Variants in ATP2B2 observed in about 807,000 individuals in gnomAD.
The protein encoded by ATP2B2 is plasma membrane calcium-transporting ATPase 2.
Under a neutral mutation model 120.0 loss-of-function variants are expected in ATP2B2, and 15 were observed. That is an observed-to-expected ratio of 0.12 (90% CI 0.08 to 0.19). The LOEUF (loss-of-function observed/expected upper bound fraction) is 0.19, where lower values mean the gene tolerates loss of function less well. Among genes scored for constraint, ATP2B2 ranks in the 10% least tolerant of loss-of-function variants. The pLI is 1.00. For missense variants in ATP2B2, 1,045 were observed against 1,719.8 expected (o/e 0.61, Z 6.94); for synonymous variants, 694 against 700.3 (o/e 0.99, Z 0.14).
chr3:10,678,722 C>T (rs2071308140), intron 1 of ATP2B2, among the ~76,000 whole-genome samples: 2 of 152,146 alleles, frequency 1.3e-5, no homozygotes, highest in African/African-American at 4.8e-5. Context: ...AACCCATTAA[C>T]TTCACTGAGT....
Position 10,346,184 on chromosome 3 carries a change from G to A in ATP2B2, c.2405-47C>T. On this transcript the variant is annotated intron_variant, in intron 16 of 22. Coordinates refer to ENST00000360273, the MANE Select transcript of ATP2B2 (RefSeq NM_001001331.4). This position sits in a 1 kb window ranked among gnomAD's most constrained non-coding sequence, Gnocchi z 4.1. ...CAGGCCCTGGGCCACTCAGGTGGGA[G>A]GCAGCCTGGGCCAGCCCTGGTCCTC... The A allele has an allele frequency of 6.3e-7, 1 of 1,587,452 alleles. No individual in the cohort carries two copies. Among genetic ancestry groups the A allele is most frequent in the Non-Finnish European group, 8.6e-7 (1 of 1,165,656 alleles).
chr3:10,683,164 T>A lies in ATP2B2; in HGVS notation c.-460+24751A>T, dbSNP rs540233374. Reference sequence around the variant, plus strand: ...TTTTTATTTTTTAATTAAAAAAAAATTTTTTTTTTTATTTTACTGATGAGG... The same window carrying A: ...TTTTTATTTTTTAATTAAAAAAAAAATTTTTTTTTTATTTTACTGATGAGG... On this transcript the variant is annotated intron_variant, in intron 1 of 21. Transcript: ENST00000646379. Among the ~76,000 whole-genome samples the A allele has an allele frequency of 3.9e-3, 488 of 123,826 alleles. 2 individuals are homozygous for A. The highest frequency in any genetic ancestry group is 7.7e-3 in the African/African-American group (219 of 28,522). The allele number at this position is 123,826 out of a possible 152,430, so 81.2% of individuals were successfully genotyped here.
At chr3:10,648,276 A>T (rs190944122) in intron 1 of ATP2B2, among the ~76,000 whole-genome samples, 1 of 151,994 alleles carries the variant, frequency 6.6e-6, no homozygotes, top group East Asian at 1.9e-4. Context: ...CCTGGAGACA[A>T]TCTCTTCCCT....
chr3:10,358,739 T>C lies in ATP2B2; in HGVS notation c.2088A>G (p.Glu696=), dbSNP rs532544819. Residue 696 remains glutamate (E), a synonymous_variant, in exon 14 of 23, where the codon GAA becomes GAG. Transcript: ENST00000360273. ...DWDNENDILN[E]LTCICVVGIE... ...TGCCCACCACGCAGATGCAGGTGAG[T>C]TCGTTGAGGATGTCATTCTCATTGT... The C allele has an allele frequency of 1.9e-6, 3 of 1,614,100 alleles. No individual in the cohort carries two copies. Among genetic ancestry groups the C allele is most frequent in the East Asian group, 2.2e-5 (1 of 44,862 alleles).
chr3:10,440,462 CTG>C (rs768900287), intron 2 of ATP2B2, among the ~76,000 whole-genome samples: 1 of 152,206 alleles, frequency 6.6e-6, no homozygotes, highest in Non-Finnish European at 1.5e-5. Flanking sequence ...AAAAATGAAT[CTG>C]TAGTTCATGG....
Position 10,458,460 on chromosome 3 carries a change from G to T in ATP2B2, c.-319-8598C>A, listed in dbSNP as rs576665949. On this transcript the variant is annotated intron_variant, in intron 1 of 22. Coordinates refer to ENST00000360273, the MANE Select transcript of ATP2B2 (RefSeq NM_001001331.4). ...GAACAGCAGGAATCAGATCCACTCA[G>T]TTTTGATCTTGGTGTGATGACTATG... Among the ~76,000 whole-genome samples the T allele has an allele frequency of 7.9e-3, 1,072 of 136,104 alleles. 6 individuals carry two copies. Among genetic ancestry groups the T allele is most frequent in the Non-Finnish European group, 0.013 (828 of 63,298 alleles). The allele number at this position is 136,104 out of a possible 152,430, so 89.3% of individuals were successfully genotyped here. A position where few individuals can be genotyped will look rare whatever the true frequency, so the allele number is the denominator to read the frequency against.
chr3:10,557,052 CT>C (rs1373207807), intron 2 of ATP2B2, among the ~76,000 whole-genome samples: 5 of 152,202 alleles, frequency 3.3e-5, no homozygotes, highest in Admixed American at 6.5e-5. Context: ...CCAGACTGTC[CT>C]GCCATGAGTC....
In ATP2B2 at chr3:10,375,193, G is replaced by T. The variant is rs896153278; in HGVS notation, c.1416+237C>A. Among the ~76,000 whole-genome samples, 1 of 152,172 alleles carries T rather than the reference G, an allele frequency of 6.6e-6. No homozygotes were observed. Among genetic ancestry groups the T allele is most frequent in the Non-Finnish European group, 1.5e-5 (1 of 68,032 alleles). Reference sequence around the variant, plus strand: ...ACCCCTGCAAGGCGGCGTGTGGCTGGGCTGAATAACAGCTGCCTCTTCAGC... The same window carrying T: ...ACCCCTGCAAGGCGGCGTGTGGCTGTGCTGAATAACAGCTGCCTCTTCAGC... On this transcript the variant is annotated intron_variant, in intron 11 of 22. Transcript: ENST00000360273. The surrounding 1 kb of genome is among the most constrained non-coding windows in gnomAD (Gnocchi z 4.2).
chr3:10,580,538 A>AC (rs1381559195), intron 2 of ATP2B2, among the ~76,000 whole-genome samples: 1 of 151,836 alleles, frequency 6.6e-6, no homozygotes, highest in Non-Finnish European at 1.5e-5. Flanking sequence ...TTCCCACGAT[A>AC]CCCCTGCAAA....
At chr3:10,581,618 C>T (rs985257653) in intron 2 of ATP2B2, among the ~76,000 whole-genome samples, 2 of 152,218 alleles carry the variant, frequency 1.3e-5, no homozygotes, top group South Asian at 4.1e-4. Context: ...CCTCACTAGG[C>T]ATCGCAAGGA....
intron 5 of ATP2B2, among the ~76,000 whole-genome samples, chr3:10,392,948 G>A (rs1201885603): frequency 6.6e-6 from 1 of 152,238 alleles, no homozygotes; most frequent in Non-Finnish European, 1.5e-5. Context: ...AGAGGGTGTG[G>A]AGAGGCCGGC....
intron 1 of ATP2B2, among the ~76,000 whole-genome samples, chr3:10,475,475 A>G (rs2065170968): frequency 6.6e-6 from 1 of 152,220 alleles, no homozygotes; most frequent in South Asian, 2.1e-4. Context: ...TGTGTTGGGC[A>G]CCACACATTT....
Position 10,360,163 on chromosome 3 carries a change from C to T in ATP2B2, c.1660-40G>A, listed in dbSNP as rs1441110497. 3.2e-6 allele frequency: 5 copies of T among 1,548,466 alleles called. No individual in the cohort carries two copies. The South Asian group carries it at 6.1e-5, about 19-fold the overall frequency. ...AGGAGCGGCTGGCACCTGGTGGGGC[C>T]TGTGTCGGGAGCCTCTGCCCTGGCT... On this transcript the variant is annotated intron_variant, in intron 12 of 22. Transcript: ENST00000360273.
At chr3:10,687,635 C>T (rs1356359610) in intron 1 of ATP2B2, among the ~76,000 whole-genome samples, 1 of 152,044 alleles carries the variant, frequency 6.6e-6, no homozygotes, top group Non-Finnish European at 1.5e-5. Context: ...CTGAGAAGGG[C>T]CAATCATTTG....
chr3:10,340,769 G>A lies in ATP2B2; in HGVS notation c.2918-65C>T. ...TGGGGGAATCAGAGGGGAGATGCCT[G>A]GCCTTTCGTGGGGGCCTCTTCTGAG... is the stretch of plus-strand genomic sequence containing the variant. On this transcript the variant is annotated intron_variant, in intron 19 of 22. Coordinates refer to ENST00000360273, the MANE Select transcript of ATP2B2 (RefSeq NM_001001331.4). This position sits in a 1 kb window ranked among gnomAD's most constrained non-coding sequence, Gnocchi z 5.0. 2.6e-6 allele frequency: 4 copies of A among 1,529,362 alleles called. No homozygotes were observed. The highest frequency in any genetic ancestry group is 3.6e-6 in the Non-Finnish European group (4 of 1,105,344). The allele number at this position is 1,529,362 out of a possible 1,614,324, so 94.7% of individuals were successfully genotyped here.
At chr3:10,682,180 C>A (rs2071399740) in intron 1 of ATP2B2, among the ~76,000 whole-genome samples, 1 of 152,210 alleles carries the variant, frequency 6.6e-6, no homozygotes, top group Non-Finnish European at 1.5e-5. Context: ...TGTTTCCATC[C>A]ATGCCTCATA....
chr3:10,451,685 G>A (rs1071871), intron 1 of ATP2B2, among the ~76,000 whole-genome samples: 120,970 of 152,106 alleles, frequency 0.8, 48,273 homozygotes, highest in Non-Finnish European at 0.82. Context: ...TCAAGAAGAG[G>A]CACAGAGACA....
rs949273148 is a variant in ATP2B2 at position 10,701,876 on chromosome 3, AT to A, written c.-460+6038del. Among the ~76,000 whole-genome samples the A allele has an allele frequency of 1.4e-4, 21 of 149,066 alleles. No homozygotes were observed. In the East Asian group the frequency reaches 1.8e-3, roughly 12 times the overall value. ...TATGTGCCTACGTCTGAGCATACAA[AT>A]TTTTTTTTTTGAAAAAGAAAAGAGC... is the stretch of plus-strand genomic sequence containing the variant. On this transcript the variant is annotated intron_variant, in intron 1 of 21. Coordinates refer to the ATP2B2 transcript ENST00000646379.
At chr3:10,665,217 C>T (rs541761796) in intron 1 of ATP2B2, among the ~76,000 whole-genome samples, 7 of 152,364 alleles carry the variant, frequency 4.6e-5, no homozygotes, top group Admixed American at 2.0e-4. Context: ...CTGGCACCCA[C>T]GCACCTCAGC....
Sources: allele counts gnomAD v4.1 joint callset (sites outside exome capture counted in the v4.1 genomes callset), GRCh38; gene constraint gnomAD v4.1.1; non-coding constraint Gnocchi (gnomAD v3.1); transcripts MANE v1.5; gene names NCBI Gene and HGNC (gene_info 2026-07-23, HGNC 2026-07-21).